DENND1C: variants seen among roughly 807,000 people sequenced by gnomAD.
DENND1C encodes DENN domain-containing protein 1C.
DENND1C carries 64 observed loss-of-function variants against 87.9 expected under a neutral mutation model. The ratio of observed to expected loss-of-function variants is 0.73; its 90% CI spans 0.60 to 0.90. The LOEUF is 0.90. DENND1C is among the 40% of genes least tolerant of loss of function. The pLI, the probability that DENND1C is intolerant of heterozygous loss-of-function variation, is 0.00. For synonymous variants in DENND1C, 384 were observed against 424.4 expected (o/e 0.90, Z 1.17); for missense variants, 980 against 1,037.0 (o/e 0.95, Z 0.76).
At chr19:6,469,564 G>A (rs1327070638) in intron 19 of DENND1C, 32 bp downstream of exon 19, 2 of 1,590,188 alleles carry the variant, frequency 1.3e-6, no homozygotes, top group East Asian at 2.3e-5. Flanking sequence ...GATTACAGGG[G>A]TGAGCCACTG....
At chr19:6,479,474 C>T (rs757139812) in intron 4 of DENND1C, among the ~76,000 whole-genome samples, 195 bp downstream of exon 4, 1 of 146,516 alleles carries the variant, frequency 6.8e-6, no homozygotes, top group Non-Finnish European at 1.5e-5. Flanking sequence ...ATCTCTGGGT[C>T]CCTGAGTGTC....
At chr19:6,469,044 T>G in intron 19 of DENND1C, 91 bp from the exon 20 acceptor site, 1 of 654,032 alleles carries the variant, frequency 1.5e-6, no homozygotes, top group Non-Finnish European at 2.2e-6. Context: ...TTTTTTTTTT[T>G]GTTTGAAATG....
chr19:6,480,561 C>CCCATCTAT (rs1295403199), intron 1 of DENND1C: 5 of 124,946 alleles, frequency 4.0e-5, no homozygotes, highest in East Asian at 2.6e-4. Flanking sequence ...CACCCACCCA[C>CCCATCTAT]CTATCTATCT....
intron 6 of DENND1C, 88 bp downstream of exon 6, chr19:6,478,695 G>T: frequency 6.9e-7 from 1 of 1,455,948 alleles, no homozygotes; most frequent in Non-Finnish European, 9.4e-7. Flanking sequence ...GCCCTGCCAA[G>T]CCTGGGAGAT....
At chr19:6,480,171 ACT>A in intron 1 of DENND1C, 120 bp from the exon 2 acceptor site, 1 of 1,498,794 alleles carries the variant, frequency 6.7e-7, no homozygotes, top group Non-Finnish European at 8.9e-7. Flanking sequence ...CATGTGCATG[ACT>A]CTGGGGGTTT....
At position 6,475,890 on chromosome 19, in the gene DENND1C, GCGC is replaced by G; in HGVS notation, c.723_725del (p.Met241_Arg242delinsIle). ...GCGTGGGGATCAGCACGTGCTCCCA[GCGC>G]ATGGGGTACAGGAGCGCGCAGGACG... On this transcript the variant is annotated inframe_deletion, in exon 11 of 23. Transcript: ENST00000381480. 1 of 1,566,154 alleles carries G rather than the reference GCGC, an allele frequency of 6.4e-7. No homozygotes were observed. The highest frequency in any genetic ancestry group is 8.6e-7 in the Non-Finnish European group (1 of 1,164,770).
In DENND1C at chr19:6,481,770, C is replaced by T. The variant is rs373480969; in HGVS notation, c.-75G>A. 8.9e-6 allele frequency: 13 copies of T among 1,453,552 alleles called. No individual in the cohort carries two copies. The highest frequency in any genetic ancestry group is 7.4e-5 in the African/African-American group (5 of 67,690). 90.0% of individuals were successfully genotyped at this position (1,453,552 alleles called of 1,614,324 possible). The stretch of plus-strand genomic sequence containing the variant: ...GGCCTGTGTATGCTGGGCCCCAAGC[C>T]GGCTCAGCTTCCTGTGTGGCTGAGA... On this transcript the variant is annotated 5_prime_UTR_variant, in exon 1 of 23. Coordinates refer to ENST00000381480, the MANE Select transcript of DENND1C (RefSeq NM_024898.4).
intron 18 of DENND1C, 90 bp downstream of exon 18, chr19:6,470,205 C>G: frequency 7.4e-7 from 1 of 1,351,566 alleles, no homozygotes; most frequent in Non-Finnish European, 1.0e-6. Flanking sequence ...CTGCCAGGGT[C>G]AAAATACTCC....
At chr19:6,479,209 G>T in intron 4 of DENND1C, 153 bp from the exon 5 acceptor site, 2 of 1,140,968 alleles carry the variant, frequency 1.8e-6, no homozygotes, top group Non-Finnish European at 2.4e-6. Flanking sequence ...GAATCCCTGG[G>T]TCCCTGAATC....
chr19:6,479,023 G>A lies in DENND1C; in HGVS notation c.210C>T (p.Thr70=). The change falls in exon 5 of 23, where the codon ACC becomes ACT. Residue 70 remains threonine (T), a synonymous_variant. Coordinates refer to ENST00000381480, the MANE Select transcript of DENND1C (RefSeq NM_024898.4). ...TGCCGGCAAGGTCTGTGAGGGCGAA[G>A]GTGAAATGCTGCACGGCGGGGCTGG... ...EPPSPAVQHF[T]FALTDLAGNR... 6 of 1,613,980 alleles carry A rather than the reference G, an allele frequency of 3.7e-6. No homozygotes were observed. The highest frequency in any genetic ancestry group is 5.1e-6 in the Non-Finnish European group (6 of 1,179,876).
chr19:6,468,290 G>C lies in DENND1C; in HGVS notation c.1735C>G (p.Pro579Ala). Residue 579 changes from proline to alanine, a missense_variant, in exon 22 of 23, where the codon CCG becomes GCG. Pro to Ala is a conservative substitution (Grantham distance 27, BLOSUM62 -1). Transcript: ENST00000381480. ...TGACAGCAGTCTAAACTCTGGCTCGGTCTCAGGCTGCCTGCGCTCTTGGCT... is the reference window on the plus strand; with the variant it reads ...TGACAGCAGTCTAAACTCTGGCTCGCTCTCAGGCTGCCTGCGCTCTTGGCT... Reference protein sequence around the residue: ...MGAKSAGSLRPSQSLDCCHRG... With the variant: ...MGAKSAGSLRASQSLDCCHRG... The C allele has an allele frequency of 6.2e-7, 1 of 1,613,748 alleles. No individual in the cohort carries two copies. The highest frequency in any genetic ancestry group is 8.5e-7 in the Non-Finnish European group (1 of 1,179,782).
At chr19:6,476,829 C>A in intron 10 of DENND1C, 28 bp downstream of exon 10, 2 of 1,598,412 alleles carry the variant, frequency 1.3e-6, no homozygotes, top group Non-Finnish European at 8.5e-7. Context: ...GCCCTGCTCC[C>A]ACCCCGGCCC....
chr19:6,480,477 CATCT>C (rs1244283173), intron 1 of DENND1C: 1 of 984,140 alleles, frequency 1.0e-6, no homozygotes, highest in African/African-American at 1.8e-5. Flanking sequence ...TATATATATC[CATCT>C]ATCTGTCTGT....
At chr19:6,472,811 C>A (rs1490645579) in intron 15 of DENND1C, 78 bp downstream of exon 15, 3 of 1,253,530 alleles carry the variant, frequency 2.4e-6, no homozygotes, top group Non-Finnish European at 3.2e-6. Flanking sequence ...TGCCCTCAAC[C>A]CTGCCAGTTC....
chr19:6,470,066 C>T (rs1265045378), intron 18 of DENND1C: 36 of 311,540 alleles, frequency 1.2e-4, no homozygotes, highest in African/African-American at 3.3e-4. Context: ...GGGCCGTGGG[C>T]GGGGCGGAGG....
In DENND1C at chr19:6,468,435, G is replaced by A. The variant is rs201024543; in HGVS notation, c.1590C>T (p.Pro530=). ...ACCCCTCATCCTCAGGGCTCAGTGG[G>A]GGTGTCCTGGGTGAGGATGGGCAGC... ...GTSEPPGAGT[P]PLSPEDEGCP... is the part of the protein sequence containing the mutation. Residue 530 remains proline (P), a synonymous_variant, in exon 22 of 23, where the codon CCC becomes CCT. Transcript: ENST00000381480. 37 of 1,611,668 alleles carry A rather than the reference G, an allele frequency of 2.3e-5. No individual in the cohort carries two copies. In the African/African-American group the frequency reaches 4.3e-4, roughly 19 times the overall value.
chr19:6,475,968 G>C, intron 10 of DENND1C, 31 bp from the exon 11 acceptor site: 1 of 1,518,416 alleles, frequency 6.6e-7, no homozygotes. Flanking sequence ...GTGGAGTCAG[G>C]GCCTGGACCC....
At position 6,468,283 on chromosome 19, in the gene DENND1C, T is replaced by C. The variant is rs2092807232; in HGVS notation, c.1742A>G (p.Gln581Arg). Residue 581 changes from glutamine (Q) to arginine (R), a missense_variant, in exon 22 of 23, where the codon CAG becomes CGG. Coordinates refer to ENST00000381480, the MANE Select transcript of DENND1C (RefSeq NM_024898.4). ...AKSAGSLRPS[Q>R]SLDCCHRGDL... Reference sequence around the variant, plus strand: ...TCCTCTGTGACAGCAGTCTAAACTCTGGCTCGGTCTCAGGCTGCCTGCGCT... The same window carrying C: ...TCCTCTGTGACAGCAGTCTAAACTCCGGCTCGGTCTCAGGCTGCCTGCGCT... The C allele has an allele frequency of 1.2e-6, 2 of 1,613,752 alleles. No individual in the cohort carries two copies. The highest frequency in any genetic ancestry group is 1.7e-6 in the Non-Finnish European group (2 of 1,179,780).
chr19:6,479,822 C>T (rs747566906), intron 3 of DENND1C, 37 bp downstream of exon 3: 2 of 1,613,468 alleles, frequency 1.2e-6, no homozygotes, highest in Admixed American at 1.7e-5. Context: ...GGGAGACTGG[C>T]CCTCGCCCTG....
Sources: gnomAD v4.1 joint callset for allele counts (sites outside exome capture counted in the v4.1 genomes callset) on GRCh38, gnomAD v4.1.1 for gene constraint, MANE v1.5 for transcripts, NCBI Gene and HGNC (gene_info 2026-07-23, HGNC 2026-07-21) for gene names.